MCFD2: variants seen among roughly 807,000 people sequenced by gnomAD.
The protein encoded by MCFD2 is multiple coagulation factor deficiency protein 2.
In MCFD2, 11 loss-of-function variants were observed where a neutral mutation model predicts 12.8. That is an observed-to-expected ratio of 0.86 (90% CI 0.54 to 1.42). The LOEUF is 1.42. Among genes scored for constraint, MCFD2 ranks in the 40% most tolerant of loss-of-function variants. The pLI is 0.00. For missense variants in MCFD2, 191 were observed against 178.6 expected (o/e 1.07, Z -0.40); for synonymous variants, 70 against 68.1 (o/e 1.03, Z -0.14).
At chr2:46,909,437 G>A (rs1188207569) in intron 1 of MCFD2, among the ~76,000 whole-genome samples, 2 of 152,204 alleles carry the variant, frequency 1.3e-5, no homozygotes, top group Non-Finnish European at 1.5e-5. Flanking sequence ...AAAGCTTGAA[G>A]GGACTGGAAG....
intron 1 of MCFD2, among the ~76,000 whole-genome samples, chr2:46,936,743 C>G (rs934636235): frequency 6.6e-6 from 1 of 152,188 alleles, no homozygotes; most frequent in Non-Finnish European, 1.5e-5. Context: ...TGAGGAATTT[C>G]TGATATGCAC....
Position 46,908,840 on chromosome 2 carries a change from T to C in MCFD2, c.149+183A>G, listed in dbSNP as rs78745036. On this transcript the variant is annotated intron_variant, in intron 2 of 3. Coordinates refer to ENST00000319466, the MANE Select transcript of MCFD2 (RefSeq NM_139279.6). The surrounding 1 kb of genome is among the most constrained non-coding windows in gnomAD (Gnocchi z 4.5). ...GGGCCTAAAGATCTTCCACCTGTGATACAATGATGAAAAAAGAATACCTGA... is the reference window on the plus strand; with the variant it reads ...GGGCCTAAAGATCTTCCACCTGTGACACAATGATGAAAAAAGAATACCTGA... 6,923 of 774,366 alleles carry C rather than the reference T, an allele frequency of 8.9e-3. 358 individuals are homozygous for C. In the African/African-American group the frequency reaches 0.1, roughly 12 times the overall value. 48.0% of individuals were successfully genotyped at this position (774,366 alleles called of 1,614,324 possible).
In MCFD2 at chr2:46,908,099, C is replaced by A; in HGVS notation, c.150-130G>T. The A allele has an allele frequency of 5.2e-6, 5 of 964,582 alleles. No individual in the cohort carries two copies. In the South Asian group the frequency reaches 6.9e-5, roughly 13 times the overall value. 59.8% of individuals were successfully genotyped at this position (964,582 alleles called of 1,614,324 possible). On this transcript the variant is annotated intron_variant, in intron 2 of 3. Transcript: ENST00000319466. The surrounding 1 kb of genome is among the most constrained non-coding windows in gnomAD (Gnocchi z 4.5). ...AAAAACAAACACCAGCAGTGGCAGA[C>A]CACACTCAAGGATTACACAGAGATA...
intron 1 of MCFD2, among the ~76,000 whole-genome samples, chr2:46,929,473 G>T (rs561451026): frequency 6.6e-6 from 1 of 152,114 alleles, no homozygotes; most frequent in African/African-American, 2.4e-5. Context: ...AACAGAGCAC[G>T]ACCCTGTCTC....
At chr2:46,919,388 C>T (rs1204380180), upstream of MCFD2, among the ~76,000 whole-genome samples, 1 of 152,088 alleles carries the variant, frequency 6.6e-6, no homozygotes, top group Admixed American at 6.6e-5. Context: ...ACAAAATTAG[C>T]TGGGTGTGGT....
chr2:46,905,707 A>G, intron 3 of MCFD2, 113 bp from the exon 4 acceptor site: 2 of 1,155,826 alleles, frequency 1.7e-6, no homozygotes. Context: ...AAAAAAAAAA[A>G]AAAAAAAAGG....
At chr2:46,923,880 C>T (rs367579829) in intron 1 of MCFD2, among the ~76,000 whole-genome samples, 12 of 152,014 alleles carry the variant, frequency 7.9e-5, no homozygotes, top group African/African-American at 2.7e-4. Flanking sequence ...TTACAGGCGC[C>T]TGCCACCACG....
upstream of MCFD2, chr2:46,916,184 C>T: frequency 1.0e-6 from 1 of 983,828 alleles, no homozygotes; most frequent in Non-Finnish European, 1.2e-6. Context: ...TGGTTCAGGT[C>T]TCTTGGTTCG....
chr2:46,908,977 AGAT>A lies in MCFD2; in HGVS notation c.149+43_149+45del. ...ATGCCCTTGCCGCTGGCTCAGCTGC[AGAT>A]GATGGGGAGGCCACTGGACCACAGC... On this transcript the variant is annotated intron_variant, in intron 2 of 3. Coordinates refer to ENST00000319466, the MANE Select transcript of MCFD2 (RefSeq NM_139279.6). This position sits in a 1 kb window ranked among gnomAD's most constrained non-coding sequence, Gnocchi z 4.5. 1 of 1,613,602 alleles carries A rather than the reference AGAT, an allele frequency of 6.2e-7. No individual in the cohort carries two copies. Among genetic ancestry groups the A allele is most frequent in the Non-Finnish European group, 8.5e-7 (1 of 1,179,534 alleles).
Position 46,940,637 on chromosome 2 carries a change from G to T in MCFD2, c.-8+935C>A, listed in dbSNP as rs1670249125. Among the ~76,000 whole-genome samples, 1 of 152,250 alleles carries T rather than the reference G, an allele frequency of 6.6e-6. No individual in the cohort carries two copies. The highest frequency in any genetic ancestry group is 1.5e-5 in the Non-Finnish European group (1 of 68,050). On this transcript the variant is annotated intron_variant, in intron 1 of 2. Coordinates refer to the MCFD2 transcript ENST00000409147. This position sits in a 1 kb window ranked among gnomAD's most constrained non-coding sequence, Gnocchi z 4.7. ...CCAGGGCAACAGAGATTCCACAGAG[G>T]ACAGGTCAACGGGTTAGGGAAGTCA...
intron 1 of MCFD2, among the ~76,000 whole-genome samples, chr2:46,923,017 C>T (rs1669185559): frequency 1.3e-5 from 2 of 152,210 alleles, no homozygotes; most frequent in Admixed American, 1.3e-4. Context: ...TACGAATAAA[C>T]AGCCAGATGA....
intron 1 of MCFD2, among the ~76,000 whole-genome samples, chr2:46,921,391 T>C (rs1669094897): frequency 6.6e-6 from 1 of 152,188 alleles, no homozygotes; most frequent in African/African-American, 2.4e-5. Context: ...ATGCTTAAAA[T>C]ACCATTATAA....
intron 1 of MCFD2, among the ~76,000 whole-genome samples, chr2:46,933,791 A>G (rs1362132930): frequency 6.6e-6 from 1 of 150,670 alleles, no homozygotes; most frequent in Non-Finnish European, 1.5e-5. Flanking sequence ...TGTTTAATTT[A>G]TATTTAAATT....
chr2:46,915,859 C>T (rs2103779950), upstream of MCFD2: 1 of 981,024 alleles, frequency 1.0e-6, no homozygotes, highest in Non-Finnish European at 1.2e-6. Context: ...CTCCCTGCCG[C>T]CCGCCCATTG....
chr2:46,928,274 C>G (rs906099606), intron 1 of MCFD2, among the ~76,000 whole-genome samples: 6 of 151,646 alleles, frequency 4.0e-5, no homozygotes, highest in African/African-American at 1.2e-4. Flanking sequence ...TCTCACAGTT[C>G]TGTAGATCAG....
At chr2:46,927,607 T>G (rs34491593) in intron 1 of MCFD2, among the ~76,000 whole-genome samples, 13,532 of 151,882 alleles carry the variant, frequency 0.089, 677 homozygotes, top group Middle Eastern at 0.12. Context: ...TGATCTGCTC[T>G]CCTCGGCCTC....
In MCFD2 at chr2:46,941,765, G is replaced by T. The variant is rs1186408593; in HGVS notation, c.-201C>A. The T allele has an allele frequency of 1.3e-6, 2 of 1,546,528 alleles. No homozygotes were observed. The highest frequency in any genetic ancestry group is 3.9e-5 in the Admixed American group (2 of 50,898). On this transcript the variant is annotated 5_prime_UTR_variant, in exon 1 of 3. Transcript: ENST00000409147. This position sits in a 1 kb window ranked among gnomAD's most constrained non-coding sequence, Gnocchi z 4.2. ...AGGCTGGCTCGCCGGCAGCGAGCGC[G>T]CGAAACGCACCGCCTCCTCCAGGAA...
At chr2:46,928,240 G>A (rs544590899) in intron 1 of MCFD2, among the ~76,000 whole-genome samples, 1 of 151,870 alleles carries the variant, frequency 6.6e-6, no homozygotes, top group African/African-American at 2.4e-5. Flanking sequence ...CAGTTTTGCA[G>A]CTTAAAATAA....
At chr2:46,911,291 C>G (rs931811671) in intron 1 of MCFD2, among the ~76,000 whole-genome samples, 1 of 151,806 alleles carries the variant, frequency 6.6e-6, no homozygotes, top group Admixed American at 6.6e-5. Flanking sequence ...CCACGTCCAG[C>G]TAATTTTTGT....
Sources: gnomAD v4.1 joint callset for allele counts (sites outside exome capture counted in the v4.1 genomes callset) on GRCh38, gnomAD v4.1.1 for gene constraint, Gnocchi (gnomAD v3.1) non-coding constraint, MANE v1.5 for transcripts, NCBI Gene and HGNC (gene_info 2026-07-23, HGNC 2026-07-21) for gene names.